RANBP17: variants seen among roughly 807,000 people sequenced by gnomAD.
RANBP17 encodes RAN binding protein 17.
A neutral mutation model predicts 141.2 loss-of-function variants in RANBP17; 158 were observed. That is an observed-to-expected ratio of 1.12 (90% CI 0.98 to 1.28). The LOEUF is 1.28. Among genes scored for constraint, RANBP17 ranks in the 50% most tolerant of loss-of-function variants. The probability of loss-of-function intolerance (pLI) is 0.00; values close to 1 mark genes in which losing one functional copy is unlikely to be tolerated. For synonymous variants in RANBP17, 430 were observed against 450.0 expected (o/e 0.96, Z 0.56); for missense variants, 1,438 against 1,290.7 (o/e 1.11, Z -1.75).
chr5:170,982,229 T>G (rs558329047), intron 14 of RANBP17, among the ~76,000 whole-genome samples: 2 of 146,478 alleles, frequency 1.4e-5, no homozygotes, highest in Non-Finnish European at 3.0e-5. Context: ...GATATAGATA[T>G]AGATATATAG....
At chr5:171,235,196 G>T (rs183125394) in intron 22 of RANBP17, among the ~76,000 whole-genome samples, 117 of 152,272 alleles carry the variant, frequency 7.7e-4, no homozygotes, top group African/African-American at 2.6e-3. Context: ...GAAGTCACTA[G>T]TAACCTTGAA....
chr5:171,157,128 A>G (rs1393079925), intron 14 of RANBP17, among the ~76,000 whole-genome samples: 1 of 152,184 alleles, frequency 6.6e-6, no homozygotes, highest in Non-Finnish European at 1.5e-5. Context: ...TTTCTTCAGC[A>G]TTGGCTGTTG....
At position 171,149,358 on chromosome 5, in the gene RANBP17, CAGG is replaced by C. The variant is rs1222271326; in HGVS notation, c.1711-20769_1711-20767del. ...TATCACACAAATAAAAATATCTAAACAGGAGAACTGTTTCCTATCTTGGGTTCT... is the reference window on the plus strand; with the variant it reads ...TATCACACAAATAAAAATATCTAAACAGAACTGTTTCCTATCTTGGGTTCT... On this transcript the variant is annotated intron_variant, in intron 14 of 27. Transcript: ENST00000523189. 5.9e-5 allele frequency among the ~76,000 whole-genome samples: 9 copies of C among 152,286 alleles called. No individual in the cohort carries two copies. The South Asian group carries it at 1.5e-3, about 25-fold the overall frequency.
intron 14 of RANBP17, among the ~76,000 whole-genome samples, chr5:170,980,544 T>C (rs1777693848): frequency 6.6e-6 from 1 of 152,162 alleles, no homozygotes; most frequent in Non-Finnish European, 1.5e-5. Context: ...CAGCTGTGGC[T>C]GAAAGGGGCC....
rs533201656 is a variant in RANBP17 at position 171,045,527 on chromosome 5, A to G, written c.1710+77150A>G. ...ATAATGTATTGTGGATGTCAAAAAC[A>G]ATATGCTTCTTAATCACTTTTACTT... On this transcript the variant is annotated intron_variant, in intron 14 of 27. Transcript: ENST00000523189. Among the ~76,000 whole-genome samples, 4 of 152,296 alleles carry G rather than the reference A, an allele frequency of 2.6e-5. No individual in the cohort carries two copies. The South Asian group carries it at 8.3e-4, about 32-fold the overall frequency.
intron 24 of RANBP17, among the ~76,000 whole-genome samples, chr5:171,247,586 T>G (rs1292121766): frequency 2.0e-5 from 3 of 152,182 alleles, no homozygotes; most frequent in Non-Finnish European, 4.4e-5. Flanking sequence ...GTTAATTTCA[T>G]TCATTAGCAT....
At chr5:171,239,978 C>T (rs1764766016) in intron 22 of RANBP17, among the ~76,000 whole-genome samples, 1 of 152,124 alleles carries the variant, frequency 6.6e-6, no homozygotes, top group Admixed American at 6.6e-5. Context: ...CCAATTCTAG[C>T]CCACAACCAT....
chr5:171,042,982 G>A (rs1782349981), intron 14 of RANBP17, among the ~76,000 whole-genome samples: 1 of 152,150 alleles, frequency 6.6e-6, no homozygotes, highest in Non-Finnish European at 1.5e-5. Context: ...AAAAGTGGAT[G>A]AATATGGGAT....
At chr5:170,985,406 A>C (rs1778078929) in intron 14 of RANBP17, among the ~76,000 whole-genome samples, 2 of 152,190 alleles carry the variant, frequency 1.3e-5, no homozygotes. Flanking sequence ...GTATAATAGA[A>C]TTTGCCTGAA....
At chr5:171,277,591 A>G (rs1461884210) in intron 25 of RANBP17, among the ~76,000 whole-genome samples, 3 of 131,138 alleles carry the variant, frequency 2.3e-5, no homozygotes, top group African/African-American at 8.3e-5. Context: ...AGAATCAATT[A>G]TATGCTAGGC....
chr5:171,107,161 A>G (rs1247724504), intron 14 of RANBP17, among the ~76,000 whole-genome samples: 3 of 152,168 alleles, frequency 2.0e-5, no homozygotes, highest in Non-Finnish European at 4.4e-5. Context: ...CAGAAGGGCT[A>G]TGTGGTTTGT....
At chr5:171,134,307 T>C (rs764632111) in intron 14 of RANBP17, among the ~76,000 whole-genome samples, 17 of 152,206 alleles carry the variant, frequency 1.1e-4, no homozygotes, top group Non-Finnish European at 2.4e-4. Context: ...TTTCCAGCAA[T>C]TTTAGAAGAT....
intron 14 of RANBP17, among the ~76,000 whole-genome samples, chr5:171,135,492 G>A (rs1163665798): frequency 1.3e-5 from 2 of 151,370 alleles, no homozygotes; most frequent in African/African-American, 4.9e-5. Context: ...TTTCAGTATG[G>A]AATATTTATT....
Position 170,953,630 on chromosome 5 carries a change from C to A in RANBP17, c.1502C>A (p.Thr501Lys). 6.2e-7 allele frequency: 1 copy of A among 1,611,606 alleles called. No individual in the cohort carries two copies. The highest frequency in any genetic ancestry group is 8.5e-7 in the Non-Finnish European group (1 of 1,178,160). Reference protein sequence around the residue: ...RLAWLVYLVGTVVGGRLTYTS... With the variant: ...RLAWLVYLVGKVVGGRLTYTS... The stretch of plus-strand genomic sequence containing the variant: ...GCATGGCTGGTATACTTAGTTGGGA[C>A]AGTTGTAGGAGGAAGATTAACATAT... The change falls in exon 13 of 28, where the codon ACA becomes AAA. Residue 501 changes from threonine to lysine, a missense_variant. Transcript: ENST00000523189.
rs368189512 is a variant in RANBP17 at position 170,880,808 on chromosome 5, G to A, written c.166-998G>A. On this transcript the variant is annotated intron_variant, in intron 2 of 27. Coordinates refer to ENST00000523189, the MANE Select transcript of RANBP17 (RefSeq NM_022897.5). ...GTCCATTTTTATCTTTTCTTATTTC[G>A]ATATGATAGACATGTGCTGGTAATA... Among the ~76,000 whole-genome samples, 38 of 152,152 alleles carry A rather than the reference G, an allele frequency of 2.5e-4. No individual in the cohort carries two copies. In the South Asian group the frequency reaches 7.9e-3, roughly 32 times the overall value.
intron 12 of RANBP17, among the ~76,000 whole-genome samples, chr5:170,926,414 A>G (rs1388589903): frequency 6.6e-6 from 1 of 152,014 alleles, no homozygotes; most frequent in East Asian, 1.9e-4. Context: ...TAAGTTTAGT[A>G]TTATTTCATG....
chr5:171,148,853 A>G (rs1284886754), intron 14 of RANBP17, among the ~76,000 whole-genome samples: 1 of 152,192 alleles, frequency 6.6e-6, no homozygotes, highest in African/African-American at 2.4e-5. Flanking sequence ...ATTAATGTCT[A>G]CCTGCTTCAT....
chr5:170,979,137 A>G (rs1386668656), intron 14 of RANBP17, among the ~76,000 whole-genome samples: 3 of 152,220 alleles, frequency 2.0e-5, no homozygotes, highest in African/African-American at 7.2e-5. Flanking sequence ...TGGTAAAAAT[A>G]ATATGTGCAT....
At chr5:171,266,241 C>T (rs1766668521) in intron 25 of RANBP17, among the ~76,000 whole-genome samples, 1 of 152,156 alleles carries the variant, frequency 6.6e-6, no homozygotes, top group African/African-American at 2.4e-5. Context: ...ATTTGCTGGG[C>T]TCCTAGTGTA....
Sources: gnomAD v4.1 joint callset for allele counts (sites outside exome capture counted in the v4.1 genomes callset) on GRCh38, gnomAD v4.1.1 for gene constraint, MANE v1.5 for transcripts, NCBI Gene and HGNC (gene_info 2026-07-23, HGNC 2026-07-21) for gene names.